The following DIAPH2 variants were observed in gnomAD, a reference collection of about 807,000 sequenced individuals.
DIAPH2 encodes diaphanous related formin 2.
A neutral mutation model predicts 92.7 loss-of-function variants in DIAPH2; 35 were observed. That is an observed-to-expected ratio of 0.38 (90% CI 0.29 to 0.50). DIAPH2 has a LOEUF of 0.50. DIAPH2 is among the 20% of genes least tolerant of loss of function. The pLI is 0.94. For synonymous variants in DIAPH2, 301 were observed against 280.4 expected, an observed-to-expected ratio of 1.07 and a Z score of -0.73; for missense variants, 701 against 819.5, an observed-to-expected ratio of 0.86 and a Z score of 1.77.
At chrX:97,161,188 T>C (rs2067369771) in intron 22 of DIAPH2, among the ~76,000 whole-genome samples, 1 of 109,670 alleles carries the variant, frequency 9.1e-6, no homozygotes, top group Non-Finnish European at 1.9e-5. Flanking sequence ...CTCTGCTTTC[T>C]AGTTATGTAT....
intron 4 of DIAPH2, among the ~76,000 whole-genome samples, chrX:96,830,395 C>T (rs1484175754): frequency 9.3e-6 from 1 of 107,784 alleles, no homozygotes; most frequent in African/African-American, 3.4e-5. Context: ...CATGGTGAAA[C>T]CCCGTCTCTA....
intron 22 of DIAPH2, among the ~76,000 whole-genome samples, chrX:97,167,487 CA>C (rs1356166958): frequency 9.0e-6 from 1 of 111,365 alleles, no homozygotes; most frequent in Non-Finnish European, 1.9e-5. Flanking sequence ...AATGAGAGTA[CA>C]AAAGGCAGAT....
intron 17 of DIAPH2, among the ~76,000 whole-genome samples, chrX:96,984,808 A>G (rs1391979869): frequency 8.9e-6 from 1 of 111,763 alleles, no homozygotes; most frequent in African/African-American, 3.2e-5. Context: ...ACAGGAGCAC[A>G]GATAGCATAG....
chrX:97,585,100 T>A (rs985606148), intron 26 of DIAPH2, among the ~76,000 whole-genome samples: 6 of 111,706 alleles, frequency 5.4e-5, no homozygotes, highest in Non-Finnish European at 9.4e-5. Context: ...TATATAAGCC[T>A]TTTTGTATAT....
chrX:97,145,325 G>GTA (rs1569312319), intron 22 of DIAPH2, among the ~76,000 whole-genome samples: 115 of 13,558 alleles, frequency 8.5e-3, no homozygotes, highest in Non-Finnish European at 0.015. Context: ...TAGTAGTAGT[G>GTA]GTAGTAGTAG....
At chrX:97,042,011 G>A (rs939971333) in intron 17 of DIAPH2, among the ~76,000 whole-genome samples, 12 of 111,471 alleles carry the variant, frequency 1.1e-4, no homozygotes, top group Admixed American at 9.5e-4. Flanking sequence ...GACTATCGGA[G>A]TTTAAATCCT....
In DIAPH2 at chrX:97,114,813, A is replaced by G. The variant is rs755776483; in HGVS notation, c.2437A>G (p.Ser813Gly). 3 of 1,209,978 alleles carry G rather than the reference A, an allele frequency of 2.5e-6. No homozygotes were observed. Among genetic ancestry groups the G allele is most frequent in the Non-Finnish European group, 3.4e-6 (3 of 895,108 alleles). Residue 813 changes from serine to glycine, a missense_variant, in exon 21 of 27, where the codon AGC (serine) becomes GGC (glycine). Ser to Gly is a moderately conservative substitution (Grantham distance 56, BLOSUM62 0). Coordinates refer to ENST00000324765, the MANE Select transcript of DIAPH2 (RefSeq NM_006729.5). Reference sequence around the variant, plus strand: ...AGAACACATAAACAACATCAAACCAAGCATCATAGCAGTAACTCTTGCCTG... The same window carrying G: ...AGAACACATAAACAACATCAAACCAGGCATCATAGCAGTAACTCTTGCCTG... ...FEEHINNIKP[S>G]IIAVTLACEE... is the part of the protein sequence containing the mutation.
Position 97,601,001 on chromosome X carries a change from T to G in DIAPH2, c.*1684T>G, listed in dbSNP as rs1041085636. On this transcript the variant is annotated 3_prime_UTR_variant, in exon 27 of 27. Coordinates refer to ENST00000324765, the MANE Select transcript of DIAPH2 (RefSeq NM_006729.5). Reference sequence around the variant, plus strand: ...CAAAAAGGGTAACAGTATCTGAAATTTCACAGTCCTATCCGATCTGAAAAC... The same window carrying G: ...CAAAAAGGGTAACAGTATCTGAAATGTCACAGTCCTATCCGATCTGAAAAC... 2 of 112,242 alleles carry G rather than the reference T, an allele frequency of 1.8e-5. No individual in the cohort carries two copies. Among genetic ancestry groups the G allele is most frequent in the Non-Finnish European group, 3.8e-5 (2 of 53,195 alleles). The allele number at this position is 112,242 out of a possible 1,213,427, so 9.3% of individuals were successfully genotyped here. A position where few individuals can be genotyped will look rare whatever the true frequency, so the allele number is the denominator to read the frequency against.
chrX:97,292,649 C>A (rs1387914720), intron 23 of DIAPH2, among the ~76,000 whole-genome samples: 1 of 107,547 alleles, frequency 9.3e-6, no homozygotes, highest in African/African-American at 3.4e-5. Flanking sequence ...TGGGTTCAAG[C>A]GATTCCCCTG....
Position 97,599,414 on chromosome X carries a change from A to G in DIAPH2, c.*97A>G. On this transcript the variant is annotated 3_prime_UTR_variant, in exon 27 of 27. Coordinates refer to ENST00000324765, the MANE Select transcript of DIAPH2 (RefSeq NM_006729.5). ...GCACTCAGCGGCTGGAAAGGAAATA[A>G]GTGCATTTCTGCAAAGATCAAGATA... 1 of 555,030 alleles carries G rather than the reference A, an allele frequency of 1.8e-6. No individual in the cohort carries two copies. The highest frequency in any genetic ancestry group is 2.8e-5 in the South Asian group (1 of 35,130). The allele number at this position is 555,030 out of a possible 1,213,427, so 45.7% of individuals were successfully genotyped here.
chrX:97,106,039 G>C (rs1334453122), intron 20 of DIAPH2, among the ~76,000 whole-genome samples: 1 of 111,015 alleles, frequency 9.0e-6, no homozygotes, highest in Non-Finnish European at 1.9e-5. Flanking sequence ...AGCTTAACCA[G>C]GTGAAAAGAA....
chrX:96,827,105 G>A (rs1049720067), intron 4 of DIAPH2, among the ~76,000 whole-genome samples: 2 of 112,485 alleles, frequency 1.8e-5, no homozygotes, highest in East Asian at 2.8e-4. Flanking sequence ...ACACATTCTT[G>A]TACTTGAACA....
intron 24 of DIAPH2, among the ~76,000 whole-genome samples, chrX:97,361,352 T>C (rs755619169): frequency 6.2e-5 from 7 of 112,088 alleles, no homozygotes; most frequent in African/African-American, 9.7e-5. Flanking sequence ...CTTTAATGAA[T>C]AGGCCAAATT....
intron 26 of DIAPH2, among the ~76,000 whole-genome samples, chrX:97,587,147 G>GAGGGAAATA (rs2147883644): frequency 8.9e-6 from 1 of 111,867 alleles, no homozygotes; most frequent in South Asian, 3.7e-4. Flanking sequence ...TTTTTGGACA[G>GAGGGAAATA]AGGGAAATAT....
intron 24 of DIAPH2, among the ~76,000 whole-genome samples, chrX:97,383,255 G>A (rs1429661901): frequency 9.0e-6 from 1 of 111,314 alleles, no homozygotes; most frequent in Non-Finnish European, 1.9e-5. Context: ...TGATAATACT[G>A]TTGATTGTTT....
intron 24 of DIAPH2, among the ~76,000 whole-genome samples, chrX:97,369,323 A>T (rs941935145): frequency 1.8e-5 from 2 of 111,659 alleles, no homozygotes; most frequent in Non-Finnish European, 3.8e-5. Flanking sequence ...TTAACATTAT[A>T]TATAAAATAG....
intron 4 of DIAPH2, among the ~76,000 whole-genome samples, chrX:96,774,422 T>C (rs148282988): frequency 0.022 from 2,448 of 111,926 alleles, 38 homozygotes; most frequent in Non-Finnish European, 0.035. Flanking sequence ...AGAGAGAACC[T>C]TGCCCATGGA....
chrX:97,512,045 C>T (rs1341764192), intron 26 of DIAPH2, among the ~76,000 whole-genome samples: 1 of 113,436 alleles, frequency 8.8e-6, no homozygotes, highest in Non-Finnish European at 1.9e-5. Context: ...GGGAGGATTC[C>T]CTCTTTTTCT....
intron 26 of DIAPH2, among the ~76,000 whole-genome samples, chrX:97,599,030 C>T (rs1281343992): frequency 1.8e-5 from 2 of 112,059 alleles, no homozygotes; most frequent in Non-Finnish European, 3.8e-5. Context: ...ACTCTGACTT[C>T]GCTTACCAAG....
Sources: gnomAD v4.1 joint callset for allele counts (sites outside exome capture counted in the v4.1 genomes callset) on GRCh38, gnomAD v4.1.1 for gene constraint, MANE v1.5 for transcripts, NCBI Gene and HGNC (gene_info 2026-07-23, HGNC 2026-07-21) for gene names.